Variants in CTNND2 observed in about 807,000 individuals in gnomAD.
The protein encoded by CTNND2 is catenin delta-2.
In CTNND2, 22 loss-of-function variants were observed where a neutral mutation model predicts 144.4. The observed-to-expected ratio is 0.15, with a 90% CI of 0.11 to 0.22. The LOEUF is 0.22. Among genes scored for constraint, CTNND2 ranks in the 10% least tolerant of loss-of-function variants. The probability of loss-of-function intolerance (pLI) is 1.00; values close to 1 mark genes in which losing one functional copy is unlikely to be tolerated. For synonymous variants in CTNND2, 751 were observed against 695.6 expected, an observed-to-expected ratio of 1.08 and a Z score of -1.25; for missense variants, 1,353 against 1,618.8, an observed-to-expected ratio of 0.84 and a Z score of 2.82.
At chr5:11,048,939 G>T (rs754792745) in intron 16 of CTNND2, among the ~76,000 whole-genome samples, 1 of 152,200 alleles carries the variant, frequency 6.6e-6, no homozygotes, top group Non-Finnish European at 1.5e-5. Flanking sequence ...CTGCAGGACA[G>T]ACAGCAGCAG....
chr5:11,443,321 ATGTG>A (rs1263144956), intron 3 of CTNND2, among the ~76,000 whole-genome samples: 2 of 58,646 alleles, frequency 3.4e-5, no homozygotes, highest in Non-Finnish European at 5.9e-5. Context: ...GTGTGTGTGC[ATGTG>A]TGTGTGGTGT....
chr5:11,504,807 C>T (rs553021008), intron 3 of CTNND2, among the ~76,000 whole-genome samples: 1 of 152,268 alleles, frequency 6.6e-6, no homozygotes, highest in Non-Finnish European at 1.5e-5. Flanking sequence ...TTATTCCTTC[C>T]CCACATCCTA....
chr5:11,826,391 TTAAAA>T (rs1181332644), intron 1 of CTNND2, among the ~76,000 whole-genome samples: 2 of 151,922 alleles, frequency 1.3e-5, no homozygotes, highest in Non-Finnish European at 2.9e-5. Flanking sequence ...ATGTAATACT[TTAAAA>T]GAAAACTCAA....
intron 3 of CTNND2, among the ~76,000 whole-genome samples, chr5:11,472,995 T>C (rs1284912231): frequency 6.6e-6 from 1 of 152,034 alleles, no homozygotes; most frequent in Non-Finnish European, 1.5e-5. Context: ...CGCTTGAACC[T>C]GGAGTAGGAG....
At chr5:11,276,108 T>C (rs931890610) in intron 9 of CTNND2, among the ~76,000 whole-genome samples, 8 of 152,188 alleles carry the variant, frequency 5.3e-5, no homozygotes, top group Non-Finnish European at 1.2e-4. Flanking sequence ...ATTACAAAAC[T>C]ATAGTTTTTG....
At position 11,572,416 on chromosome 5, in the gene CTNND2, A is replaced by G. The variant is rs531084983; in HGVS notation, c.175-7360T>C. Among the ~76,000 whole-genome samples, 40 of 152,156 alleles carry G rather than the reference A, an allele frequency of 2.6e-4. 1 individual carries two copies. Among genetic ancestry groups the G allele is most frequent in the Non-Finnish European group, 4.6e-4 (31 of 68,010 alleles). On this transcript the variant is annotated intron_variant, in intron 2 of 21. Coordinates refer to ENST00000304623, the MANE Select transcript of CTNND2 (RefSeq NM_001332.4). ...CTATTTTGAGCAAATCCCTGGGTCA[A>G]TAATACAGAGAGAAGTCCTTCTCTA...
At position 11,196,041 on chromosome 5, in the gene CTNND2, T is replaced by C. The variant is rs73742371; in HGVS notation, c.1975+3407A>G. Among the ~76,000 whole-genome samples, 471 of 152,340 alleles carry C rather than the reference T, an allele frequency of 3.1e-3. 4 individuals are homozygous for C. The highest frequency in any genetic ancestry group is 0.01 in the African/African-American group (431 of 41,574). On this transcript the variant is annotated intron_variant, in intron 11 of 21. Transcript: ENST00000304623. ...AGGGAGCTGTTTTTTTCAGCATGCA[T>C]GTTTATGCGCTGAATGTAAATGCAT...
At chr5:11,688,478 T>C (rs1430978678) in intron 2 of CTNND2, among the ~76,000 whole-genome samples, 1 of 152,244 alleles carries the variant, frequency 6.6e-6, no homozygotes, top group Non-Finnish European at 1.5e-5. Flanking sequence ...GCTGACATCA[T>C]GTTTGAATTC....
chr5:11,074,958 C>A (rs556010796), intron 16 of CTNND2, among the ~76,000 whole-genome samples: 1 of 152,018 alleles, frequency 6.6e-6, no homozygotes, highest in East Asian at 1.9e-4. Flanking sequence ...GCCCACCCCC[C>A]ACCTCCTTAA....
chr5:11,081,874 G>C (rs1404996254), intron 16 of CTNND2, among the ~76,000 whole-genome samples: 3 of 152,112 alleles, frequency 2.0e-5, no homozygotes, highest in South Asian at 2.1e-4. Context: ...TTTGCCTTTG[G>C]GGTGATGAAA....
intron 1 of CTNND2, among the ~76,000 whole-genome samples, chr5:11,780,507 G>C (rs1376271948): frequency 6.6e-6 from 1 of 152,152 alleles, no homozygotes; most frequent in Non-Finnish European, 1.5e-5. Context: ...CTCTCACCTG[G>C]AGAGTGCAGA....
At chr5:11,122,287 C>T (rs1754223183) in intron 12 of CTNND2, among the ~76,000 whole-genome samples, 1 of 151,830 alleles carries the variant, frequency 6.6e-6, no homozygotes, top group Admixed American at 6.6e-5. Context: ...AGATAGCATA[C>T]AGCATCGCAA....
chr5:11,096,721 C>A (rs138556939), intron 15 of CTNND2, among the ~76,000 whole-genome samples: 165 of 151,636 alleles, frequency 1.1e-3, no homozygotes, highest in African/African-American at 2.9e-3. Context: ...ATAAGTATTT[C>A]TCAAGGAAAA....
intron 2 of CTNND2, among the ~76,000 whole-genome samples, chr5:11,666,519 C>G (rs1330723555): frequency 6.6e-6 from 1 of 152,090 alleles, no homozygotes; most frequent in African/African-American, 2.4e-5. Context: ...TTTCACAGAT[C>G]AAGTTGAAGG....
intron 16 of CTNND2, among the ~76,000 whole-genome samples, chr5:11,035,402 G>T (rs917350298): frequency 2.6e-5 from 4 of 152,128 alleles, no homozygotes; most frequent in African/African-American, 7.2e-5. Flanking sequence ...GGCCTTTCTT[G>T]TGTCACATCG....
intron 2 of CTNND2, among the ~76,000 whole-genome samples, chr5:11,642,997 T>C (rs78295831): frequency 0.01 from 1,593 of 152,266 alleles, 19 homozygotes; most frequent in East Asian, 0.063. Context: ...TGTCTGTGTC[T>C]CCAATCCCTG....
At chr5:11,231,275 G>T (rs1327060257) in intron 10 of CTNND2, among the ~76,000 whole-genome samples, 1 of 152,100 alleles carries the variant, frequency 6.6e-6, no homozygotes, top group African/African-American at 2.4e-5. Flanking sequence ...GTGGGCTGTT[G>T]TTGTAAACAG....
At chr5:11,483,976 T>C (rs942458095) in intron 3 of CTNND2, among the ~76,000 whole-genome samples, 1 of 152,162 alleles carries the variant, frequency 6.6e-6, no homozygotes, top group Non-Finnish European at 1.5e-5. Flanking sequence ...AAAGCAGGCA[T>C]AGTCATAGAT....
intron 20 of CTNND2, among the ~76,000 whole-genome samples, chr5:10,987,266 T>C (rs1301288733): frequency 1.3e-5 from 2 of 152,158 alleles, no homozygotes; most frequent in Non-Finnish European, 2.9e-5. Flanking sequence ...GAGGGGGCTG[T>C]GAGTGCCTCA....
Sources: gnomAD v4.1 joint callset for allele counts (sites outside exome capture counted in the v4.1 genomes callset) on GRCh38, gnomAD v4.1.1 for gene constraint, MANE v1.5 for transcripts, NCBI Gene and HGNC (gene_info 2026-07-23, HGNC 2026-07-21) for gene names.